Variants in KLK6 observed in about 807,000 individuals in gnomAD.
KLK6 encodes kallikrein-6.
KLK6 carries 16 observed loss-of-function variants against 21.7 expected under a neutral mutation model. That is an observed-to-expected ratio of 0.74 (90% CI 0.50 to 1.12). The LOEUF (loss-of-function observed/expected upper bound fraction) is 1.12, where lower values mean the gene tolerates loss of function less well. KLK6 is among the 50% of genes most tolerant of loss of function. The pLI, the probability that KLK6 is intolerant of heterozygous loss-of-function variation, is 0.00. For missense variants in KLK6, 276 were observed against 304.6 expected (o/e 0.91, Z 0.70); for synonymous variants, 116 against 120.1 (o/e 0.97, Z 0.22).
At chr19:50,961,633 T>C in intron 6 of KLK6, 111 bp downstream of exon 6, 1 of 1,327,540 alleles carries the variant, frequency 7.5e-7, no homozygotes, top group Admixed American at 2.4e-5. Flanking sequence ...TCTCTATCTG[T>C]CTCTGTAAAG....
At chr19:50,965,073 G>C (rs911086096) in intron 4 of KLK6, among the ~76,000 whole-genome samples, 13 of 152,004 alleles carry the variant, frequency 8.6e-5, no homozygotes, top group Admixed American at 7.9e-4. Flanking sequence ...TAATTATATG[G>C]GGTTTTGAAG....
rs755579570 is a variant in KLK6 at position 50,959,285 on chromosome 19, T to A, written c.614A>T (p.Asp205Val). 19 of 1,613,160 alleles carry A rather than the reference T, an allele frequency of 1.2e-5. No individual in the cohort carries two copies. Among genetic ancestry groups the A allele is most frequent in the Non-Finnish European group, 1.6e-5 (19 of 1,179,862 alleles). Residue 205 changes from aspartate to valine, a missense_variant, in exon 7 of 7, where the codon GAC becomes GTC. Coordinates refer to ENST00000310157, the MANE Select transcript of KLK6 (RefSeq NM_002774.4). ...GDSGGPLVCG[D>V]HLRGLVSWGN... Reference sequence around the variant, plus strand: ...CCATGACACAAGGCCTCGGAGGTGGTCTCCACATACCAGCGGACCCCCAGA... The same window carrying A: ...CCATGACACAAGGCCTCGGAGGTGGACTCCACATACCAGCGGACCCCCAGA...
In KLK6 at chr19:50,967,314, C is replaced by T. The variant is rs913095973; in HGVS notation, c.52G>A (p.Glu18Lys). The T allele has an allele frequency of 6.2e-7, 1 of 1,606,558 alleles. No homozygotes were observed. The highest frequency in any genetic ancestry group is 1.7e-5 in the Admixed American group (1 of 59,466). Residue 18 changes from glutamate to lysine, a missense_variant, in exon 4 of 7, where the codon GAG becomes AAG. Transcript: ENST00000310157. ...LSLIAAAWAE[E>K]QNKLVHGGPC... Reference sequence around the variant, plus strand: ...CCGCCATGCACCAACTTATTCTGCTCCTCTGCCCAGGCTGAGGGAGAGAAG... The same window carrying T: ...CCGCCATGCACCAACTTATTCTGCTTCTCTGCCCAGGCTGAGGGAGAGAAG...
chr19:50,966,575 C>A (rs951012601), intron 4 of KLK6, among the ~76,000 whole-genome samples: 1 of 152,104 alleles, frequency 6.6e-6, no homozygotes, highest in Non-Finnish European at 1.5e-5. Flanking sequence ...GCGAGGCGGG[C>A]GGATCACCTG....
At chr19:50,968,196 T>A in intron 2 of KLK6, 84 bp from the exon 3 acceptor site, 1 of 1,233,694 alleles carries the variant, frequency 8.1e-7, no homozygotes, top group Admixed American at 1.7e-5. Flanking sequence ...CATCCTCTCC[T>A]TCCTTCCTGG....
intron 1 of KLK6, chr19:50,968,973 G>C (rs1461221335): frequency 1.9e-5 from 3 of 157,940 alleles, no homozygotes; most frequent in African/African-American, 7.2e-5. Flanking sequence ...TCCTGGGTCT[G>C]AGGGAGGAGG....
intron 5 of KLK6, chr19:50,962,883 C>A: frequency 4.9e-6 from 1 of 204,678 alleles, no homozygotes; most frequent in Non-Finnish European, 1.0e-5. Flanking sequence ...TGTCTCAATT[C>A]ACATCCTTCA....
In KLK6 at chr19:50,967,256, G is replaced by T. The variant is rs920653170; in HGVS notation, c.110C>A (p.Ala37Asp). 1 of 1,614,128 alleles carries T rather than the reference G, an allele frequency of 6.2e-7. No homozygotes were observed. The highest frequency in any genetic ancestry group is 2.2e-5 in the East Asian group (1 of 44,880). The change falls in exon 4 of 7, where the codon GCT becomes GAT. Residue 37 changes from alanine to aspartate, a missense_variant. Transcript: ENST00000310157. Reference protein sequence around the residue: ...PCDKTSHPYQAALYTSGHLLC... With the variant: ...PCDKTSHPYQDALYTSGHLLC... ...CAAGTGGCCCGAGGTGTAGAGGGCA[G>T]CTTGGTAGGGGTGAGATGTCTTGTC...
At chr19:50,960,741 T>TC (rs983621677) in intron 6 of KLK6, among the ~76,000 whole-genome samples, 32 of 152,080 alleles carry the variant, frequency 2.1e-4, no homozygotes, top group African/African-American at 7.7e-4. Flanking sequence ...TACAGGTGTG[T>TC]CCCACCATGC....
Position 50,968,059 on chromosome 19 carries a change from C to T in KLK6, c.40+6G>A. 6.2e-7 allele frequency: 1 copy of T among 1,613,726 alleles called. No homozygotes were observed. The highest frequency in any genetic ancestry group is 8.5e-7 in the Non-Finnish European group (1 of 1,179,770). The stretch of plus-strand genomic sequence containing the variant: ...AGCCTCCCCCATCCAAATGCCCTTT[C>T]CCCACCTGCAGCAATCAGACTCAGC... On this transcript the variant is annotated splice_donor_region_variant and intron_variant, in intron 3 of 6. Transcript: ENST00000310157.
At chr19:50,965,306 A>G (rs1008168408) in intron 4 of KLK6, among the ~76,000 whole-genome samples, 3 of 143,320 alleles carry the variant, frequency 2.1e-5, no homozygotes, top group Admixed American at 7.2e-5. Context: ...TTTTTTTTAG[A>G]CAGAGTCTCG....
At chr19:50,961,721 G>A in intron 6 of KLK6, 23 bp downstream of exon 6, 10 of 1,609,956 alleles carry the variant, frequency 6.2e-6, no homozygotes, top group Non-Finnish European at 7.6e-6. Context: ...GGCTGTGTAA[G>A]TGGCAGATCC....
Position 50,961,811 on chromosome 19 carries a change from T to C in KLK6, c.515A>G (p.Tyr172Cys). Reference protein sequence around the residue: ...LVSREECEHAYPGQITQNMLC... With the variant: ...LVSREECEHACPGQITQNMLC... ...CATGTTCTGGGTGATCTGGCCAGGG[T>C]AGGCATGCTCACACTCCTCACGGGA... The change falls in exon 6 of 7, where the codon TAC (tyrosine) becomes TGC (cysteine). Residue 172 changes from tyrosine (Y) to cysteine (C), a missense_variant. By Grantham distance (194) the Tyr-to-Cys change is radical (BLOSUM62 -2). Transcript: ENST00000310157. 3.1e-6 allele frequency: 5 copies of C among 1,614,052 alleles called. No homozygotes were observed. Among genetic ancestry groups the C allele is most frequent in the Non-Finnish European group, 4.2e-6 (5 of 1,179,968 alleles).
At chr19:50,962,772 A>G (rs1381229679) in intron 5 of KLK6, 1 of 155,118 alleles carries the variant, frequency 6.4e-6, no homozygotes, top group African/African-American at 2.4e-5. Context: ...ACCTTCATGG[A>G]TCCTGCTGAT....
chr19:50,967,552 A>ACAC (rs1555781654), intron 3 of KLK6, among the ~76,000 whole-genome samples: 1,734 of 50,610 alleles, frequency 0.034, 10 homozygotes, highest in Middle Eastern at 0.069. Flanking sequence ...CACACACACA[A>ACAC]ATTAGCAGGG....
chr19:50,967,109 A>G, intron 4 of KLK6, 60 bp downstream of exon 4: 1 of 1,595,606 alleles, frequency 6.3e-7, no homozygotes, highest in East Asian at 2.2e-5. Context: ...CCTGCCTGAC[A>G]TCTATAAGAC....
At chr19:50,969,029 G>T (rs117568503) in intron 1 of KLK6, 7,426 of 150,928 alleles carry the variant, frequency 0.049, 212 homozygotes, top group Middle Eastern at 0.066. Flanking sequence ...AGGGGCTGGG[G>T]GCCTGGACCC....
At chr19:50,961,572 T>C (rs535147293) in intron 6 of KLK6, among the ~76,000 whole-genome samples, 172 bp downstream of exon 6, 1 of 152,320 alleles carries the variant, frequency 6.6e-6, no homozygotes, top group African/African-American at 2.4e-5. Flanking sequence ...TGTGTCTCTG[T>C]GTGTTGAACT....
Position 50,958,829 on chromosome 19 carries a change from C to A in KLK6, c.*335G>T. The A allele has an allele frequency of 3.2e-6, 1 of 316,108 alleles. No individual in the cohort carries two copies. The highest frequency in any genetic ancestry group is 5.9e-6 in the Non-Finnish European group (1 of 168,772). The allele number at this position is 316,108 out of a possible 1,614,324, so 19.6% of individuals were successfully genotyped here. A position where few individuals can be genotyped will look rare whatever the true frequency, so the allele number is the denominator to read the frequency against. ...GGGACACCGACAGTAAGCAGCGGAG[C>A]TGGGATTCCAGACACGTGGCTGGGC... On this transcript the variant is annotated 3_prime_UTR_variant, in exon 7 of 7. Transcript: ENST00000310157.
Sources: gnomAD v4.1 joint callset for allele counts (sites outside exome capture counted in the v4.1 genomes callset) on GRCh38, gnomAD v4.1.1 for gene constraint, MANE v1.5 for transcripts, NCBI Gene and HGNC (gene_info 2026-07-23, HGNC 2026-07-21) for gene names.